TAB2: variants seen among roughly 807,000 people sequenced by gnomAD.
TAB2 encodes the protein TGF-beta-activated kinase 1 and MAP3K7-binding protein 2.
TAB2 carries 3 observed loss-of-function variants against 65.0 expected under a neutral mutation model. The observed-to-expected ratio is 0.05, with a 90% CI of 0.02 to 0.12. TAB2 has a LOEUF of 0.12. Among genes scored for constraint, TAB2 ranks in the 10% least tolerant of loss-of-function variants. The pLI is 1.00. For missense variants in TAB2, 623 were observed against 840.3 expected, an observed-to-expected ratio of 0.74 and a Z score of 3.20; for synonymous variants, 298 against 285.1, an observed-to-expected ratio of 1.05 and a Z score of -0.46.
At chr6:149,338,101 G>A (rs1779989338) in intron 1 of TAB2, among the ~76,000 whole-genome samples, 2 of 152,134 alleles carry the variant, frequency 1.3e-5, no homozygotes, top group South Asian at 4.1e-4. Context: ...TTTGGGAAAG[G>A]TAACGTGTAT....
intron 1 of TAB2, among the ~76,000 whole-genome samples, chr6:149,238,856 T>C (rs1425574548): frequency 6.6e-6 from 1 of 152,248 alleles, no homozygotes; most frequent in Non-Finnish European, 1.5e-5. Context: ...GACTTACTCA[T>C]GGAGACTGTC....
At position 149,260,815 on chromosome 6, in the gene TAB2, T is replaced by C. The variant is rs547910911; in HGVS notation, c.-121+42039T>C. Among the ~76,000 whole-genome samples the C allele has an allele frequency of 4.1e-4, 62 of 152,336 alleles. 1 individual carries two copies. In the South Asian group the frequency reaches 4.3e-3, roughly 11 times the overall value. ...TGTATGAAAGACACGTACTGACCTG[T>C]AGTTGAGTTATGAACTTTATGTATG... On this transcript the variant is annotated intron_variant, in intron 1 of 1. Transcript: ENST00000606202.
upstream of TAB2, among the ~76,000 whole-genome samples, chr6:149,314,912 C>T (rs576020790): frequency 4.4e-4 from 66 of 150,556 alleles, 1 homozygote; most frequent in Middle Eastern, 0.025. Flanking sequence ...CACCTGAAAG[C>T]CAGTCTTGTT....
At chr6:149,271,517 G>C (rs1254572050) in intron 1 of TAB2, among the ~76,000 whole-genome samples, 1 of 152,168 alleles carries the variant, frequency 6.6e-6, no homozygotes, top group Non-Finnish European at 1.5e-5. Flanking sequence ...TGAGTGAAAA[G>C]AGAAGGCAGA....
chr6:149,315,448 A>G (rs1779232612), upstream of TAB2, among the ~76,000 whole-genome samples: 5 of 152,190 alleles, frequency 3.3e-5, no homozygotes, highest in Admixed American at 3.3e-4. Context: ...CACATATATC[A>G]TGTTCTTTTA....
At chr6:149,277,489 T>C (rs547128504) in intron 1 of TAB2, among the ~76,000 whole-genome samples, 2 of 152,226 alleles carry the variant, frequency 1.3e-5, no homozygotes, top group African/African-American at 2.4e-5. Context: ...TTCATAAATA[T>C]ATGTTAAAGT....
At chr6:149,318,177 C>T (rs947055842) in intron 1 of TAB2, among the ~76,000 whole-genome samples, 162 bp downstream of exon 1, 102 of 152,212 alleles carry the variant, frequency 6.7e-4, no homozygotes, top group Middle Eastern at 6.8e-3. Flanking sequence ...CTCTTTCCTT[C>T]CCCCAGTGGC....
chr6:149,396,373 TTC>T (rs576497330), intron 3 of TAB2, among the ~76,000 whole-genome samples: 190 of 152,358 alleles, frequency 1.2e-3, no homozygotes, highest in Non-Finnish European at 2.3e-3. Flanking sequence ...CTTTCATTTT[TTC>T]TGTCACATTA....
At chr6:149,344,933 T>C (rs1236641527) in intron 1 of TAB2, among the ~76,000 whole-genome samples, 1 of 152,184 alleles carries the variant, frequency 6.6e-6, no homozygotes, top group Non-Finnish European at 1.5e-5. Context: ...AAAGTGATTA[T>C]ACTCTAGGCT....
At chr6:149,356,290 T>C (rs1780651649) in intron 1 of TAB2, among the ~76,000 whole-genome samples, 1 of 152,242 alleles carries the variant, frequency 6.6e-6, no homozygotes, top group African/African-American at 2.4e-5. Flanking sequence ...AATTGGGGGT[T>C]AACTGAAAGT....
At chr6:149,222,770 CT>C (rs1014908416) in intron 1 of TAB2, among the ~76,000 whole-genome samples, 7 of 152,102 alleles carry the variant, frequency 4.6e-5, no homozygotes, top group African/African-American at 1.7e-4. Flanking sequence ...CTACACTTTT[CT>C]TGCTGATGCC....
At position 149,294,903 on chromosome 6, in the gene TAB2, C is replaced by T. The variant is rs897257109; in HGVS notation, c.-121+76127C>T. Among the ~76,000 whole-genome samples, 47 of 152,100 alleles carry T rather than the reference C, an allele frequency of 3.1e-4. 2 individuals carry two copies. ...ATTATTGTAAGAGTGCCTTGAAAAA[C>T]CATAAAATGTTATGAAAATATAAGG... On this transcript the variant is annotated intron_variant, in intron 1 of 1. Coordinates refer to the TAB2 transcript ENST00000606202.
At position 149,377,281 on chromosome 6, in the gene TAB2, G is replaced by A. The variant is rs373964284; in HGVS notation, c.103-737G>A. 4.0e-5 allele frequency among the ~76,000 whole-genome samples: 6 copies of A among 151,304 alleles called. No individual in the cohort carries two copies. In the East Asian group the frequency reaches 1.2e-3, roughly 30 times the overall value. Reference sequence around the variant, plus strand: ...AGAGACGGGATTTCACCGTGGTCTCGATCTCCTGACCTCGTGATCCACCCG... The same window carrying A: ...AGAGACGGGATTTCACCGTGGTCTCAATCTCCTGACCTCGTGATCCACCCG... On this transcript the variant is annotated intron_variant, in intron 2 of 6. Transcript: ENST00000637181.
chr6:149,406,217 A>G (rs760503469), intron 6 of TAB2, among the ~76,000 whole-genome samples: 15 of 152,190 alleles, frequency 9.9e-5, no homozygotes, highest in Non-Finnish European at 1.9e-4. Flanking sequence ...TGTATTTTCA[A>G]ATGTCTTCAG....
chr6:149,375,778 A>T (rs1040251930), intron 2 of TAB2, among the ~76,000 whole-genome samples: 2 of 152,224 alleles, frequency 1.3e-5, no homozygotes, highest in African/African-American at 4.8e-5. Flanking sequence ...GATTGTGATC[A>T]GTTTTTCAAC....
At position 149,379,242 on chromosome 6, in the gene TAB2, A is replaced by G. The variant is rs777518336; in HGVS notation, c.1327A>G (p.Ile443Val). ...IHHHPPKSRAIGNNSATSPRV... is the reference protein window; with the variant it reads ...IHHHPPKSRAVGNNSATSPRV... ...TCACCATCCTCCCAAAAGTCGAGCA[A>G]TAGGCAATAACTCTGCAACCTCTCC... The change falls in exon 3 of 7, where the codon ATA becomes GTA. Residue 443 changes from isoleucine (I) to valine (V), a missense_variant. Physicochemically the swap from Ile to Val is conservative, Grantham distance 29. Transcript: ENST00000637181. 17 of 1,614,076 alleles carry G rather than the reference A, an allele frequency of 1.1e-5. 1 individual carries two copies. The South Asian group carries it at 1.2e-4, about 11-fold the overall frequency.
rs1294172093 is a variant in TAB2 at position 149,378,774 on chromosome 6, A to G, written c.859A>G (p.Ile287Val). 3.1e-6 allele frequency: 5 copies of G among 1,614,030 alleles called. No homozygotes were observed. The highest frequency in any genetic ancestry group is 1.7e-5 in the Admixed American group (1 of 59,988). ...CCAGACCTCTCATGTCTACATGCCA[A>G]TCAGTTCACCTACTACTTCACAACC... The part of the protein sequence containing the change: ...GHQTSHVYMP[I>V]SSPTTSQPPT... The change falls in exon 3 of 7, where the codon ATC becomes GTC. Residue 287 changes from isoleucine to valine, a missense_variant. Ile to Val is a conservative substitution (Grantham distance 29). Transcript: ENST00000637181.
chr6:149,407,057 A>T (rs1475705519), intron 6 of TAB2, among the ~76,000 whole-genome samples: 2 of 152,178 alleles, frequency 1.3e-5, no homozygotes, highest in Non-Finnish European at 2.9e-5. Context: ...CTCTGTCCTC[A>T]TATTTTATTT....
At chr6:149,273,980 GAC>G (rs1204071433) in intron 1 of TAB2, among the ~76,000 whole-genome samples, 1 of 152,218 alleles carries the variant, frequency 6.6e-6, no homozygotes, top group African/African-American at 2.4e-5. Context: ...AAGAAGACTG[GAC>G]AGATGGTAAT....
Sources: allele counts gnomAD v4.1 joint callset (sites outside exome capture counted in the v4.1 genomes callset), GRCh38; gene constraint gnomAD v4.1.1; transcripts MANE v1.5; gene names NCBI Gene and HGNC (gene_info 2026-07-23, HGNC 2026-07-21).